NDUFA10: variants seen among roughly 807,000 people sequenced by gnomAD.
NDUFA10 encodes the protein NADH:ubiquinone oxidoreductase subunit A10.
Under a neutral mutation model 47.8 loss-of-function variants are expected in NDUFA10, and 40 were observed. That is an observed-to-expected ratio of 0.84 (90% confidence interval 0.65 to 1.09). The LOEUF is 1.09. Ranked by LOEUF, NDUFA10 falls within the 50% of genes least tolerant of loss-of-function variation. The pLI, the probability that NDUFA10 is intolerant of heterozygous loss-of-function variation, is 0.00. For missense variants in NDUFA10, 413 were observed against 451.1 expected (o/e 0.92, Z 0.76); for synonymous variants, 183 against 172.2 (o/e 1.06, Z -0.49).
At chr2:239,933,224 G>A (rs900860049) in intron 4 of NDUFA10, among the ~76,000 whole-genome samples, 5 of 152,226 alleles carry the variant, frequency 3.3e-5, no homozygotes, top group Non-Finnish European at 7.3e-5. Flanking sequence ...TTGAGGAACA[G>A]AGGAACTCTG....
rs958244349 is a variant in NDUFA10, at chr2:239,987,805, G to A, written c.999+2269C>T. ...GATGCCTGTGGGACTAACACGTATG[G>A]AGAATTAAGACGACCGAGATCATGC... On this transcript the variant is annotated intron_variant, in intron 9 of 9. Transcript: ENST00000252711. The surrounding 1 kb of genome is among the most constrained non-coding windows in gnomAD (Gnocchi z 4.8). Among the ~76,000 whole-genome samples, 1 of 152,210 alleles carries A rather than the reference G, an allele frequency of 6.6e-6. No individual in the cohort carries two copies. Among genetic ancestry groups the A allele is most frequent in the African/African-American group, 2.4e-5 (1 of 41,448 alleles).
chr2:239,894,510 C>A (rs750907825), intron 5 of NDUFA10, among the ~76,000 whole-genome samples: 2 of 152,220 alleles, frequency 1.3e-5, no homozygotes, highest in Non-Finnish European at 1.5e-5. Flanking sequence ...CAGTCCCCAA[C>A]ACCGGATCTG....
chr2:240,022,769 C>G (rs190268868), intron 1 of NDUFA10, among the ~76,000 whole-genome samples: 1 of 152,010 alleles, frequency 6.6e-6, no homozygotes, highest in Non-Finnish European at 1.5e-5. Context: ...GTCCCCATGT[C>G]CTGACCTCGT....
intron 8 of NDUFA10, among the ~76,000 whole-genome samples, chr2:239,998,112 T>G (rs962766023): frequency 6.6e-6 from 1 of 152,238 alleles, no homozygotes; most frequent in Non-Finnish European, 1.5e-5. Flanking sequence ...ATCCTGGCAC[T>G]GTGGTGGCAG....
At chr2:239,894,513 C>T (rs536771499) in intron 5 of NDUFA10, among the ~76,000 whole-genome samples, 3 of 152,300 alleles carry the variant, frequency 2.0e-5, no homozygotes, top group East Asian at 3.9e-4. Flanking sequence ...TCCCCAACAC[C>T]GGATCTGTCA....
chr2:240,023,027 G>A (rs1198815101), intron 1 of NDUFA10, among the ~76,000 whole-genome samples: 1 of 152,046 alleles, frequency 6.6e-6, no homozygotes, highest in Non-Finnish European at 1.5e-5. Context: ...ACACTGCATC[G>A]CCTCCCTATG....
chr2:239,931,206 C>A (rs1694168458), intron 4 of NDUFA10, among the ~76,000 whole-genome samples: 1 of 152,142 alleles, frequency 6.6e-6, no homozygotes, highest in Non-Finnish European at 1.5e-5. Context: ...ATGATGTAGT[C>A]TCTCTCACTT....
intron 8 of NDUFA10, among the ~76,000 whole-genome samples, chr2:239,996,485 A>G (rs1213379319): frequency 6.6e-6 from 1 of 152,236 alleles, no homozygotes; most frequent in Non-Finnish European, 1.5e-5. Context: ...AAACATTTTG[A>G]ACGAAAATAA....
At chr2:239,900,697 T>C (rs942601327) in intron 4 of NDUFA10, among the ~76,000 whole-genome samples, 6 of 152,136 alleles carry the variant, frequency 3.9e-5, no homozygotes, top group African/African-American at 1.4e-4. Flanking sequence ...GCATTGCCGA[T>C]ATGGAGAAGT....
chr2:240,023,821 A>C (rs957713626), intron 1 of NDUFA10, among the ~76,000 whole-genome samples: 7 of 152,254 alleles, frequency 4.6e-5, no homozygotes, highest in African/African-American at 1.7e-4. Context: ...CCCAATTTAA[A>C]AATGGGCAAA....
chr2:239,960,836 C>T lies in NDUFA10; in HGVS notation c.*282G>A. Reference sequence around the variant, plus strand: ...GCAGCGCTGAAACCACAGGGGCTGCCGAGAGCTGGCCTTTCACAGCAGACC... The same window carrying T: ...GCAGCGCTGAAACCACAGGGGCTGCTGAGAGCTGGCCTTTCACAGCAGACC... On this transcript the variant is annotated 3_prime_UTR_variant, in exon 10 of 10. Transcript: ENST00000252711. 3.0e-6 allele frequency: 4 copies of T among 1,342,062 alleles called. No homozygotes were observed. In the South Asian group the frequency reaches 6.0e-5, roughly 20 times the overall value. 83.1% of individuals were successfully genotyped at this position (1,342,062 alleles called of 1,614,324 possible). A position where few individuals can be genotyped will look rare whatever the true frequency, so the allele number is the denominator to read the frequency against.
At chr2:239,955,696 G>A (rs1694639209), downstream of NDUFA10, among the ~76,000 whole-genome samples, 2 of 152,200 alleles carry the variant, frequency 1.3e-5, no homozygotes, top group Non-Finnish European at 1.5e-5. Flanking sequence ...GGACAGACCA[G>A]GGCAGGAAGG....
At chr2:240,005,536 T>C (rs1312077926) in intron 7 of NDUFA10, among the ~76,000 whole-genome samples, 2 of 152,056 alleles carry the variant, frequency 1.3e-5, no homozygotes, top group African/African-American at 2.4e-5. Flanking sequence ...TTTGTATTTT[T>C]AGTAGAGATG....
At chr2:239,946,940 T>G (rs887793027) in intron 4 of NDUFA10, among the ~76,000 whole-genome samples, 8 of 152,194 alleles carry the variant, frequency 5.3e-5, no homozygotes, top group African/African-American at 1.9e-4. Flanking sequence ...GGCCACGGCC[T>G]CACAGGGTTG....
chr2:239,897,050 GAATT>G (rs1370812374), intron 4 of NDUFA10, among the ~76,000 whole-genome samples: 2 of 152,202 alleles, frequency 1.3e-5, no homozygotes, highest in Non-Finnish European at 2.9e-5. Flanking sequence ...TTTCAACACT[GAATT>G]AATTACCTTA....
At chr2:240,024,728 T>C (rs1439674235) in intron 1 of NDUFA10, among the ~76,000 whole-genome samples, 1 of 152,220 alleles carries the variant, frequency 6.6e-6, no homozygotes, top group Non-Finnish European at 1.5e-5. Flanking sequence ...TATGAAACGA[T>C]TTCACTGAAG....
chr2:239,965,056 G>A (rs1474588539), intron 9 of NDUFA10, among the ~76,000 whole-genome samples: 2 of 152,158 alleles, frequency 1.3e-5, no homozygotes, highest in African/African-American at 4.8e-5. Flanking sequence ...CAGCAGTACT[G>A]ACAGAGGAAG....
At chr2:239,999,404 G>C (rs1696614980) in intron 8 of NDUFA10, among the ~76,000 whole-genome samples, 1 of 152,270 alleles carries the variant, frequency 6.6e-6, no homozygotes, top group Non-Finnish European at 1.5e-5. Context: ...TTGCATCCGA[G>C]GGGCTCTACT....
intron 8 of NDUFA10, among the ~76,000 whole-genome samples, chr2:239,991,543 G>A (rs1696248784): frequency 6.6e-6 from 1 of 152,184 alleles, no homozygotes; most frequent in African/African-American, 2.4e-5. Context: ...TTTGTGAAGG[G>A]CATAAAGTTG....
Sources: allele counts gnomAD v4.1 joint callset (sites outside exome capture counted in the v4.1 genomes callset), GRCh38; gene constraint gnomAD v4.1.1; non-coding constraint Gnocchi (gnomAD v3.1); transcripts MANE v1.5; gene names NCBI Gene and HGNC (gene_info 2026-07-23, HGNC 2026-07-21).